Variants in C6orf89 observed in about 807,000 individuals in gnomAD.
The protein encoded by C6orf89 is chromosome 6 open reading frame 89, also known as bombesin receptor-activated protein C6orf89.
A neutral mutation model predicts 40.7 loss-of-function variants in C6orf89; 29 were observed. The observed-to-expected ratio is 0.71, with a 90% CI of 0.53 to 0.97. The LOEUF (loss-of-function observed/expected upper bound fraction) is 0.97. C6orf89 is among the 50% of genes least tolerant of loss of function. The pLI is 0.00. For missense variants in C6orf89, 392 were observed against 429.1 expected, an observed-to-expected ratio of 0.91 and a Z score of 0.76; for synonymous variants, 165 against 152.2, an observed-to-expected ratio of 1.08 and a Z score of -0.62.
intron 1 of C6orf89, among the ~76,000 whole-genome samples, chr6:36,887,104 C>T (rs940227524): frequency 3.3e-5 from 5 of 151,834 alleles, no homozygotes; most frequent in African/African-American, 1.2e-4. Flanking sequence ...ATTGTTGCTA[C>T]CTCTGCGTTT....
chr6:36,888,182 G>A (rs934026533), intron 1 of C6orf89, among the ~76,000 whole-genome samples: 5 of 152,218 alleles, frequency 3.3e-5, no homozygotes, highest in African/African-American at 1.2e-4. Context: ...GAGAGGATGA[G>A]TAGTGTCTCA....
At position 36,891,583 on chromosome 6, in the gene C6orf89, A is replaced by G. The variant is rs557350937; in HGVS notation, c.-119-2921A>G. ...AGGAATCACCACACTGTCTTCCACA[A>G]TGGTTGAAGGAGCACTTTTTCTTTA... On this transcript the variant is annotated intron_variant, in intron 1 of 8. Transcript: ENST00000480824. 1.7e-4 allele frequency among the ~76,000 whole-genome samples: 26 copies of G among 152,338 alleles called. No homozygotes were observed. In the South Asian group the frequency reaches 5.2e-3, roughly 30 times the overall value.
At chr6:36,874,823 G>A in intron 1 of C6orf89, 2 of 1,593,038 alleles carry the variant, frequency 1.3e-6, no homozygotes, top group Non-Finnish European at 1.7e-6. Flanking sequence ...TTCCGGCGTC[G>A]ATTAGCTGGG....
intron 4 of C6orf89, among the ~76,000 whole-genome samples, chr6:36,903,793 G>A (rs964130019): frequency 5.3e-5 from 8 of 152,052 alleles, no homozygotes; most frequent in Non-Finnish European, 1.0e-4. Flanking sequence ...TTCCAAAATT[G>A]TATCAAAATC....
At chr6:36,875,601 G>A (rs1774631717) in intron 1 of C6orf89, among the ~76,000 whole-genome samples, 1 of 150,780 alleles carries the variant, frequency 6.6e-6, no homozygotes, top group South Asian at 2.1e-4. Flanking sequence ...TTTGGAGGGA[G>A]GACAAAAATG....
rs535236358 is a variant in C6orf89, at chr6:36,912,414, C to T, written c.404-1870C>T. On this transcript the variant is annotated intron_variant, in intron 4 of 8. Transcript: ENST00000480824. The stretch of plus-strand genomic sequence containing the variant: ...CCTTCCATCGCAAGTACTTTGGAAA[C>T]CGAAATGCTATATAATTGTAACATG... 3.3e-5 allele frequency among the ~76,000 whole-genome samples: 5 copies of T among 152,330 alleles called. No homozygotes were observed. In the East Asian group the frequency reaches 9.6e-4, roughly 29 times the overall value.
At chr6:36,904,415 A>G (rs1365763634) in intron 4 of C6orf89, among the ~76,000 whole-genome samples, 1 of 152,156 alleles carries the variant, frequency 6.6e-6, no homozygotes, top group East Asian at 1.9e-4. Context: ...TAGCTCTTTA[A>G]TGTTGTTGAT....
At chr6:36,874,339 C>T (rs1658248864) in intron 1 of C6orf89, among the ~76,000 whole-genome samples, 1 of 152,222 alleles carries the variant, frequency 6.6e-6, no homozygotes, top group African/African-American at 2.4e-5. Flanking sequence ...ATGTCTGTCT[C>T]TTTCATTATA....
intron 4 of C6orf89, among the ~76,000 whole-genome samples, chr6:36,913,854 TTG>T (rs1044060736): frequency 2.0e-5 from 3 of 146,548 alleles, no homozygotes; most frequent in African/African-American, 7.4e-5. Context: ...GTGCTTATCA[TTG>T]TTTGTTTTTA....
chr6:36,901,670 A>AT (rs1319291166), intron 3 of C6orf89, among the ~76,000 whole-genome samples: 3 of 138,292 alleles, frequency 2.2e-5, no homozygotes, highest in East Asian at 4.6e-4. Context: ...TTATTTATTT[A>AT]TTTTTATTTT....
chr6:36,912,345 A>G (rs1218936941), intron 4 of C6orf89, among the ~76,000 whole-genome samples: 1 of 152,210 alleles, frequency 6.6e-6, no homozygotes, highest in African/African-American at 2.4e-5. Flanking sequence ...GAAAGTGACT[A>G]ACATAGGGCA....
rs1279595076 is a variant in C6orf89, at chr6:36,925,428, A to G, written c.*1987A>G. The G allele has an allele frequency of 6.6e-6, 1 of 152,222 alleles. No individual in the cohort carries two copies. The highest frequency in any genetic ancestry group is 1.5e-5 in the Non-Finnish European group (1 of 68,042). The allele number at this position is 152,222 out of a possible 1,614,324, so 9.4% of individuals were successfully genotyped here. A position where few individuals can be genotyped will look rare whatever the true frequency, so the allele number is the denominator to read the frequency against. ...ATTTCACTCTTGCCCTTCACATCTT[A>G]AATGTCCATAAGAAACCCTTGCATG... is the stretch of plus-strand genomic sequence containing the variant. On this transcript the variant is annotated 3_prime_UTR_variant, in exon 9 of 9. Transcript: ENST00000480824.
At chr6:36,881,739 C>A (rs1028574950), upstream of C6orf89, among the ~76,000 whole-genome samples, 5 of 151,830 alleles carry the variant, frequency 3.3e-5, no homozygotes, top group African/African-American at 9.7e-5. Context: ...AACATATTGG[C>A]TAAAGTTAAA....
chr6:36,872,323 A>G (rs993008672), intron 1 of C6orf89, among the ~76,000 whole-genome samples: 2 of 152,168 alleles, frequency 1.3e-5, no homozygotes, highest in Non-Finnish European at 2.9e-5. Flanking sequence ...GGGTAGATGG[A>G]AAATAGGAAG....
chr6:36,885,818 G>C (rs1375258118), upstream of C6orf89: 1 of 402,972 alleles, frequency 2.5e-6, no homozygotes, highest in Non-Finnish European at 4.3e-6. Flanking sequence ...CAGATATCGC[G>C]AGAGGTCCCG....
At chr6:36,887,087 T>G (rs1404688848) in intron 1 of C6orf89, among the ~76,000 whole-genome samples, 2 of 151,724 alleles carry the variant, frequency 1.3e-5, no homozygotes, top group African/African-American at 2.4e-5. Context: ...CCTTAAACCC[T>G]CATCACATTG....
At chr6:36,916,638 T>C (rs1213538243) in intron 7 of C6orf89, 64 bp downstream of exon 7, 4 of 1,597,516 alleles carry the variant, frequency 2.5e-6, no homozygotes, top group Non-Finnish European at 3.4e-6. Flanking sequence ...ACTGATGTCA[T>C]AACCAAGGCC....
chr6:36,874,778 AGCCG>A (rs773173260), intron 1 of C6orf89: 6 of 1,614,094 alleles, frequency 3.7e-6, no homozygotes, highest in Non-Finnish European at 5.1e-6. Context: ...GCCATAGCGA[AGCCG>A]GCGGCGGAAT....
intron 1 of C6orf89, among the ~76,000 whole-genome samples, chr6:36,878,173 C>T (rs1774709850): frequency 6.6e-6 from 1 of 152,182 alleles, no homozygotes; most frequent in African/African-American, 2.4e-5. Flanking sequence ...TGATTGAAAG[C>T]ATTATCTTTT....
Sources: allele counts gnomAD v4.1 joint callset (sites outside exome capture counted in the v4.1 genomes callset), GRCh38; gene constraint gnomAD v4.1.1; transcripts MANE v1.5; gene names NCBI Gene and HGNC (gene_info 2026-07-23, HGNC 2026-07-21).